Variants in C8orf89 observed in about 807,000 individuals in gnomAD.
The protein encoded by C8orf89 is putative uncharacterized protein C8orf89.
A neutral mutation model predicts 15.8 loss-of-function variants in C8orf89; 14 were observed. That is an observed-to-expected ratio of 0.89 (90% CI 0.59 to 1.39). The LOEUF is 1.39. Among genes scored for constraint, C8orf89 ranks in the 40% most tolerant of loss-of-function variants. C8orf89 has a pLI of 0.00. For missense variants in C8orf89, 181 were observed against 184.5 expected (o/e 0.98, Z 0.11); for synonymous variants, 55 against 62.2 (o/e 0.88, Z 0.54).
chr8:73,269,140 A>G, the C8orf89 span, among the ~76,000 whole-genome samples: 6 of 152,352 alleles, frequency 3.9e-5, no homozygotes, highest in African/African-American at 1.4e-4. Context: ...GAACAGGTAC[A>G]GTGAGAAAAC....
At chr8:73,272,290 A>G in the C8orf89 span, among the ~76,000 whole-genome samples, 2 of 152,172 alleles carry the variant, frequency 1.3e-5, no homozygotes, top group South Asian at 4.1e-4. Context: ...ACTCAGGAAA[A>G]TTGTCCATTT....
chr8:73,273,867 G>A, the C8orf89 span, among the ~76,000 whole-genome samples: 14 of 151,640 alleles, frequency 9.2e-5, no homozygotes, highest in African/African-American at 3.2e-4. Flanking sequence ...TAACTATATG[G>A]AATGTATTCT....
chr8:73,242,149 A>G (rs1174907789), intron 3 of C8orf89, among the ~76,000 whole-genome samples: 1 of 152,204 alleles, frequency 6.6e-6, no homozygotes, highest in African/African-American at 2.4e-5. Context: ...ATGAGATCAC[A>G]TCAAGTTATT....
chr8:73,275,231 CTTTTTTTT>C, the C8orf89 span, among the ~76,000 whole-genome samples: 1 of 84,744 alleles, frequency 1.2e-5, no homozygotes, highest in Non-Finnish European at 2.1e-5. Context: ...TGTAATAGTT[CTTTTTTTT>C]TTTTTTTTTT....
the C8orf89 span, among the ~76,000 whole-genome samples, chr8:73,282,773 A>G: frequency 6.6e-6 from 1 of 152,246 alleles, no homozygotes; most frequent in South Asian, 2.1e-4. Flanking sequence ...CAGAGTATTT[A>G]GAGTGGTCAC....
At position 73,259,486 on chromosome 8, in the gene C8orf89, GA is replaced by G. The variant is rs1813481765; in HGVS notation, c.-29del. Reference sequence around the variant, plus strand: ...TTTCTTCTTTCAACAGTGCTGATGAGAGGGAGATGCTGCTGCAGAGACAGGA... The same window carrying G: ...TTTCTTCTTTCAACAGTGCTGATGAGGGGAGATGCTGCTGCAGAGACAGGA... On this transcript the variant is annotated 5_prime_UTR_variant, in exon 1 of 4. Coordinates refer to ENST00000624510, the MANE Select transcript of C8orf89 (RefSeq NM_001243237.3). The G allele has an allele frequency of 2.1e-6, 3 of 1,461,286 alleles. No individual in the cohort carries two copies. The highest frequency in any genetic ancestry group is 2.9e-5 in the South Asian group (2 of 68,972). The allele number at this position is 1,461,286 out of a possible 1,614,324, so 90.5% of individuals were successfully genotyped here.
rs145058814 is a variant in C8orf89 at position 73,258,950 on chromosome 8, A to G, written c.127+382T>C. ...TGGCTTTGGTTAGAATTATTAATAC[A>G]TAACAGCACTGTTAAAGATTTGGAT... On this transcript the variant is annotated intron_variant, in intron 1 of 3. Transcript: ENST00000624510. Among the ~76,000 whole-genome samples the G allele has an allele frequency of 1.1e-3, 171 of 152,320 alleles. 3 individuals are homozygous for G. In the East Asian group the frequency reaches 0.022, roughly 20 times the overall value.
At chr8:73,267,726 T>A in the C8orf89 span, among the ~76,000 whole-genome samples, 1 of 152,194 alleles carries the variant, frequency 6.6e-6, no homozygotes, top group African/African-American at 2.4e-5. Context: ...CTAATCTAGG[T>A]GTTGCTGGGA....
At chr8:73,248,556 G>A (rs975719643) in intron 3 of C8orf89, among the ~76,000 whole-genome samples, 1 of 152,044 alleles carries the variant, frequency 6.6e-6, no homozygotes. Flanking sequence ...ACTATATTGA[G>A]TCTTCCTATC....
rs757339563 is a variant in C8orf89 at position 73,257,878 on chromosome 8, AT to A, written c.128-753del. ...AATGGGACTAAAATTATTATATTGA[AT>A]GTTCAAAATGTTATTTTGTAACTTT... On this transcript the variant is annotated intron_variant, in intron 1 of 3. Transcript: ENST00000624510. Among the ~76,000 whole-genome samples, 103 of 152,324 alleles carry A rather than the reference AT, an allele frequency of 6.8e-4. 1 individual carries two copies. Among genetic ancestry groups the A allele is most frequent in the Middle Eastern group, 3.4e-3 (1 of 294 alleles).
At chr8:73,260,279 C>T (rs1317003790), upstream of C8orf89, among the ~76,000 whole-genome samples, 6 of 151,614 alleles carry the variant, frequency 4.0e-5, no homozygotes, top group Admixed American at 1.3e-4. Context: ...GGCAAACTAT[C>T]GCAAGGACAA....
chr8:73,277,326 CT>C, the C8orf89 span: 1 of 683,734 alleles, frequency 1.5e-6, no homozygotes, highest in African/African-American at 1.8e-5. Flanking sequence ...ATGAATGCCC[CT>C]GGTTATCCCT....
At chr8:73,248,664 T>G (rs532225369) in intron 3 of C8orf89, among the ~76,000 whole-genome samples, 44 of 152,206 alleles carry the variant, frequency 2.9e-4, no homozygotes, top group Non-Finnish European at 6.0e-4. Flanking sequence ...ACCTCCCTGG[T>G]TAGCTGTATT....
At chr8:73,257,148 T>G (rs1813414027) in intron 1 of C8orf89, 22 bp from the exon 2 acceptor site, 2 of 1,469,874 alleles carry the variant, frequency 1.4e-6, no homozygotes, top group Non-Finnish European at 9.1e-7. Context: ...TATATAAGAA[T>G]CATCTTGATT....
chr8:73,275,908 A>G, the C8orf89 span, among the ~76,000 whole-genome samples: 1 of 152,160 alleles, frequency 6.6e-6, no homozygotes, highest in Non-Finnish European at 1.5e-5. Flanking sequence ...AGATAAAGCC[A>G]AGATCCCCTA....
chr8:73,247,263 G>A (rs904391840), intron 3 of C8orf89, among the ~76,000 whole-genome samples: 2 of 10,404 alleles, frequency 1.9e-4, no homozygotes. Flanking sequence ...TTCCTGCAAA[G>A]GACATGATCT....
At chr8:73,281,055 T>C in the C8orf89 span, among the ~76,000 whole-genome samples, 2 of 152,156 alleles carry the variant, frequency 1.3e-5, no homozygotes, top group African/African-American at 4.8e-5. Context: ...AATAATCTAG[T>C]AATATACATG....
In C8orf89 at chr8:73,256,972, C is replaced by T. The variant is rs80304377; in HGVS notation, c.281+1G>A. 2.6e-6 allele frequency: 4 copies of T among 1,531,068 alleles called. No homozygotes were observed. The highest frequency in any genetic ancestry group is 2.6e-6 in the Non-Finnish European group (3 of 1,144,580). The allele number at this position is 1,531,068 out of a possible 1,614,324, so 94.8% of individuals were successfully genotyped here. On this transcript the variant is annotated splice_donor_variant, in intron 2 of 3. Coordinates refer to ENST00000624510, the MANE Select transcript of C8orf89 (RefSeq NM_001243237.3). LOFTEE classifies it high-confidence loss of function. ...ATGAGAATTAAATAGCAATGATCTA[C>T]CTGACTGCAGACACCTCGGCATCAG...
the C8orf89 span, among the ~76,000 whole-genome samples, chr8:73,266,979 C>A: frequency 1.3e-5 from 2 of 152,128 alleles, no homozygotes; most frequent in African/African-American, 4.8e-5. Flanking sequence ...TCATGGCAGT[C>A]ACCGATTTAA....
Sources: allele counts gnomAD v4.1 joint callset (sites outside exome capture counted in the v4.1 genomes callset), GRCh38; gene constraint gnomAD v4.1.1; transcripts MANE v1.5; gene names NCBI Gene and HGNC (gene_info 2026-07-23, HGNC 2026-07-21).